FAM13C: variants seen among roughly 807,000 people sequenced by gnomAD.
The protein encoded by FAM13C is protein FAM13C.
FAM13C carries 37 observed loss-of-function variants against 73.2 expected under a neutral mutation model. The observed-to-expected ratio is 0.51, with a 90% CI of 0.39 to 0.67. The LOEUF (loss-of-function observed/expected upper bound fraction) is 0.67, where lower values mean the gene tolerates loss of function less well. FAM13C is among the 30% of genes least tolerant of loss of function. FAM13C has a pLI of 0.00. For missense variants in FAM13C, 589 were observed against 715.6 expected, an observed-to-expected ratio of 0.82 and a Z score of 2.02; for synonymous variants, 246 against 260.9, an observed-to-expected ratio of 0.94 and a Z score of 0.55.
chr10:59,311,016 A>T (rs1180799597), intron 4 of FAM13C, among the ~76,000 whole-genome samples: 1 of 152,206 alleles, frequency 6.6e-6, no homozygotes, highest in Admixed American at 6.5e-5. Context: ...TTCTTTGAGT[A>T]TAGGAGTGAC....
intron 5 of FAM13C, among the ~76,000 whole-genome samples, chr10:59,300,281 G>A (rs536844258): frequency 1.3e-5 from 2 of 152,336 alleles, no homozygotes; most frequent in East Asian, 3.9e-4. Context: ...GTAGCATCTT[G>A]TAATTATTAC....
At chr10:59,312,524 G>A (rs919358492) in intron 4 of FAM13C, among the ~76,000 whole-genome samples, 7 of 152,090 alleles carry the variant, frequency 4.6e-5, no homozygotes, top group African/African-American at 1.4e-4. Context: ...CAGAGTGATC[G>A]TTTAATGTCA....
chr10:59,264,009 A>T, intron 9 of FAM13C, 76 bp downstream of exon 9: 2 of 1,339,986 alleles, frequency 1.5e-6, no homozygotes, highest in Non-Finnish European at 2.1e-6. Flanking sequence ...AAATGAATCT[A>T]AAATGCTCTG....
At chr10:59,299,594 A>T (rs537450500) in intron 5 of FAM13C, among the ~76,000 whole-genome samples, 1 of 152,114 alleles carries the variant, frequency 6.6e-6, no homozygotes, top group South Asian at 2.1e-4. Flanking sequence ...TGAAGCAAGG[A>T]ATGTGATCTA....
Position 59,362,514 on chromosome 10 carries a change from C to T in FAM13C, c.-54G>A, listed in dbSNP as rs764590422. 10 of 1,598,546 alleles carry T rather than the reference C, an allele frequency of 6.3e-6. No individual in the cohort carries two copies. In the Admixed American group the frequency reaches 1.7e-4, roughly 28 times the overall value. On this transcript the variant is annotated 5_prime_UTR_variant, in exon 1 of 14. Transcript: ENST00000618804. ...CCTGATTGCTCTCCGGGAGTTAGAG[C>T]ACATACACAAACATGGCATTGCAAG... is the stretch of plus-strand genomic sequence containing the variant.
intron 1 of FAM13C, chr10:59,361,029 T>C (rs1224841963): frequency 2.3e-6 from 3 of 1,289,210 alleles, no homozygotes; most frequent in Admixed American, 4.6e-5. Flanking sequence ...GCAGTACCTG[T>C]GCACCTGGAG....
At chr10:59,283,102 T>C (rs1012333086) in intron 6 of FAM13C, among the ~76,000 whole-genome samples, 1 of 152,192 alleles carries the variant, frequency 6.6e-6, no homozygotes, top group African/African-American at 2.4e-5. Flanking sequence ...GATGTTGTGA[T>C]GGGTACTTTC....
chr10:59,263,367 C>G (rs1233549798), intron 9 of FAM13C, among the ~76,000 whole-genome samples: 1 of 152,040 alleles, frequency 6.6e-6, no homozygotes, highest in Admixed American at 6.6e-5. Context: ...TAGACTTTGT[C>G]TTGATGTTTA....
intron 2 of FAM13C, 25 bp from the exon 3 acceptor site, chr10:59,352,499 G>C: frequency 6.4e-7 from 1 of 1,561,016 alleles, no homozygotes; most frequent in Non-Finnish European, 8.7e-7. Context: ...ACCCAATTTA[G>C]AAAGTACCTT....
At chr10:59,331,031 C>T (rs1851898484) in intron 3 of FAM13C, among the ~76,000 whole-genome samples, 1 of 152,178 alleles carries the variant, frequency 6.6e-6, no homozygotes, top group Non-Finnish European at 1.5e-5. Context: ...TTTCTGATGA[C>T]ATACATTCAT....
chr10:59,333,189 T>G (rs889032243), intron 3 of FAM13C, among the ~76,000 whole-genome samples: 1 of 152,298 alleles, frequency 6.6e-6, no homozygotes, highest in Admixed American at 6.5e-5. Flanking sequence ...ATATTTTAAA[T>G]CATCTCCCTC....
Position 59,302,853 on chromosome 10 carries a change from C to T in FAM13C, c.455G>A (p.Arg152Lys). 1 of 1,613,988 alleles carries T rather than the reference C, an allele frequency of 6.2e-7. No homozygotes were observed. Among genetic ancestry groups the T allele is most frequent in the Non-Finnish European group, 8.5e-7 (1 of 1,179,960 alleles). Residue 152 changes from arginine to lysine, a missense_variant, in exon 5 of 14, where the codon AGG (arginine) becomes AAG (lysine). Coordinates refer to ENST00000618804, the MANE Select transcript of FAM13C (RefSeq NM_198215.4). ...TVRLQPRIDQ[R>K]TAISPKDAFE... ...AGCATCCTTTGGCGAAATGGCAGTC[C>T]TCTGGTCTATTCTATAAAATACAAA...
intron 4 of FAM13C, among the ~76,000 whole-genome samples, chr10:59,303,798 G>A (rs561969722): frequency 6.6e-6 from 1 of 152,260 alleles, no homozygotes; most frequent in South Asian, 2.1e-4. Context: ...TTTCTCTAAT[G>A]ATCAGTGATG....
intron 3 of FAM13C, among the ~76,000 whole-genome samples, chr10:59,335,086 C>G (rs2134131636): frequency 6.6e-6 from 1 of 152,268 alleles, no homozygotes; most frequent in African/African-American, 2.4e-5. Flanking sequence ...GGCCAACTTT[C>G]ATTTTATCAA....
In FAM13C at chr10:59,291,785, C is replaced by CTTTT. The variant is rs3078288; in HGVS notation, c.508-8342_508-8339dup. ...AGAATAATACCATTTTATAAACTCC[C>CTTTT]TTTTTTTTTTTTTTTTTTTTTGAGA... On this transcript the variant is annotated intron_variant, in intron 5 of 13. Coordinates refer to ENST00000618804, the MANE Select transcript of FAM13C (RefSeq NM_198215.4). Among the ~76,000 whole-genome samples, 5 of 72,760 alleles carry CTTTT rather than the reference C, an allele frequency of 6.9e-5. 1 individual carries two copies. The East Asian group carries it at 2.1e-3, about 30-fold the overall frequency. The allele number at this position is 72,760 out of a possible 152,430, so 47.7% of individuals were successfully genotyped here. A position where few individuals can be genotyped will look rare whatever the true frequency, so the allele number is the denominator to read the frequency against.
At chr10:59,264,226 G>A in intron 8 of FAM13C, 60 bp from the exon 9 acceptor site, 1 of 1,119,896 alleles carries the variant, frequency 8.9e-7, no homozygotes, top group Non-Finnish European at 1.3e-6. Flanking sequence ...GGGTGGGGGA[G>A]AAAAAGAGAA....
intron 10 of FAM13C, among the ~76,000 whole-genome samples, chr10:59,256,465 T>C (rs1841955575): frequency 6.6e-6 from 1 of 152,348 alleles, no homozygotes; most frequent in Non-Finnish European, 1.5e-5. Flanking sequence ...CTTCCACAGA[T>C]GCCAGACAAA....
Position 59,268,603 on chromosome 10 carries a change from G to T in FAM13C, c.892C>A (p.Arg298=), listed in dbSNP as rs749128192. 2 of 1,613,672 alleles carry T rather than the reference G, an allele frequency of 1.2e-6. No individual in the cohort carries two copies. The highest frequency in any genetic ancestry group is 1.1e-5 in the South Asian group (1 of 91,058). The part of the protein sequence containing the change: ...QLTKHIQSLK[R]KIRKFEEKFE... Reference sequence around the variant, plus strand: ...TTTTCTTCAAATTTCCGAATTTTCCGCTTGAGGCTCTGGATGTGCTTGGTG... The same window carrying T: ...TTTTCTTCAAATTTCCGAATTTTCCTCTTGAGGCTCTGGATGTGCTTGGTG... The change falls in exon 8 of 14, where the codon CGG becomes AGG. Residue 298 remains arginine, a synonymous_variant. Transcript: ENST00000618804.
chr10:59,316,399 C>G (rs989095052), intron 4 of FAM13C, among the ~76,000 whole-genome samples: 3 of 152,118 alleles, frequency 2.0e-5, no homozygotes, highest in African/African-American at 4.8e-5. Context: ...AAATATAAAT[C>G]CTATAAGTAA....
Sources: gnomAD v4.1 joint callset for allele counts (sites outside exome capture counted in the v4.1 genomes callset) on GRCh38, gnomAD v4.1.1 for gene constraint, MANE v1.5 for transcripts, NCBI Gene and HGNC (gene_info 2026-07-23, HGNC 2026-07-21) for gene names.